The following SLMAP variants were observed in gnomAD, a reference collection of about 807,000 sequenced individuals.
SLMAP encodes the protein sarcolemmal membrane-associated protein.
A neutral mutation model predicts 128.8 loss-of-function variants in SLMAP; 44 were observed. That is an observed-to-expected ratio of 0.34 (90% CI 0.27 to 0.44). The LOEUF is 0.44. Ranked by LOEUF, SLMAP falls within the 20% of genes least tolerant of loss-of-function variation. The pLI is 1.00. For missense variants in SLMAP, 787 were observed against 985.3 expected, an observed-to-expected ratio of 0.80 and a Z score of 2.69; for synonymous variants, 327 against 348.8, an observed-to-expected ratio of 0.94 and a Z score of 0.70.
intron 24 of SLMAP, chr3:57,926,180 A>T (rs2097004841): frequency 1.9e-5 from 9 of 477,918 alleles, no homozygotes; most frequent in Middle Eastern, 5.3e-4. Flanking sequence ...AGTTGTTAAT[A>T]TGCTTCCATT....
chr3:57,864,517 G>A lies in SLMAP; in HGVS notation c.967-31G>A, dbSNP rs750603687. Reference sequence around the variant, plus strand: ...TCGCTCTTAAAACAGAGTTAGGTTTGTTAAATAACTGAATTTTCTTATTTT... The same window carrying A: ...TCGCTCTTAAAACAGAGTTAGGTTTATTAAATAACTGAATTTTCTTATTTT... On this transcript the variant is annotated intron_variant, in intron 10 of 24. Transcript: ENST00000671191. The A allele has an allele frequency of 2.7e-6, 4 of 1,504,236 alleles. No homozygotes were observed. In the South Asian group the frequency reaches 3.8e-5, roughly 14 times the overall value. The allele number at this position is 1,504,236 out of a possible 1,614,324, so 93.2% of individuals were successfully genotyped here. A position where few individuals can be genotyped will look rare whatever the true frequency, so the allele number is the denominator to read the frequency against.
chr3:57,832,373 T>C (rs1237519029), intron 3 of SLMAP, among the ~76,000 whole-genome samples: 1 of 152,176 alleles, frequency 6.6e-6, no homozygotes, highest in Non-Finnish European at 1.5e-5. Flanking sequence ...AAGTATAAAA[T>C]AAAATTTAAT....
intron 2 of SLMAP, among the ~76,000 whole-genome samples, chr3:57,758,748 A>C (rs2078061129): frequency 6.6e-6 from 1 of 152,226 alleles, no homozygotes; most frequent in African/African-American, 2.4e-5. Flanking sequence ...GAAGAAAGAA[A>C]TTAAGATCCT....
intron 13 of SLMAP, among the ~76,000 whole-genome samples, chr3:57,866,297 A>T (rs2095301412): frequency 6.6e-6 from 1 of 151,722 alleles, no homozygotes; most frequent in South Asian, 2.1e-4. Flanking sequence ...AGAAAAGAAA[A>T]GACAAAATAT....
At chr3:57,848,372 T>C (rs1469822355) in intron 5 of SLMAP, among the ~76,000 whole-genome samples, 1 of 151,402 alleles carries the variant, frequency 6.6e-6, no homozygotes, top group Non-Finnish European at 1.5e-5. Context: ...TCTTCCTCCT[T>C]CTGCCTTCTT....
In SLMAP at chr3:57,843,763, TTTC is replaced by T. The variant is rs1313836341; in HGVS notation, c.419+2395_419+2397del. ...CTTTCTCTCCCTTTCTCTCTCTTTC[TTTC>T]TTTTCTTTCTTTTTTTTTTTTTTTT... is the stretch of plus-strand genomic sequence containing the variant. On this transcript the variant is annotated intron_variant, in intron 4 of 24. Coordinates refer to ENST00000671191, the MANE Select transcript of SLMAP (RefSeq NM_001377540.1). Among the ~76,000 whole-genome samples the T allele has an allele frequency of 9.8e-4, 132 of 134,066 alleles. 1 individual carries two copies. The East Asian group carries it at 0.029, about 29-fold the overall frequency. The allele number at this position is 134,066 out of a possible 152,430, so 88.0% of individuals were successfully genotyped here.
At chr3:57,761,124 C>A (rs1223647879) in intron 2 of SLMAP, among the ~76,000 whole-genome samples, 1 of 151,882 alleles carries the variant, frequency 6.6e-6, no homozygotes, top group East Asian at 1.9e-4. Context: ...CACCCTGTCC[C>A]TGGCTCTTAC....
At chr3:57,897,762 CTT>C (rs1051431792) in intron 17 of SLMAP, 13 of 151,960 alleles carry the variant, frequency 8.6e-5, no homozygotes, top group Non-Finnish European at 1.5e-4. Context: ...GTAATTAACT[CTT>C]TGTCTCACCT....
chr3:57,857,441 G>C (rs1401597754), intron 6 of SLMAP, among the ~76,000 whole-genome samples: 1 of 152,016 alleles, frequency 6.6e-6, no homozygotes, highest in Non-Finnish European at 1.5e-5. Flanking sequence ...TAATAAAATA[G>C]AACAATTACA....
At chr3:57,812,739 T>C (rs1214284191) in intron 2 of SLMAP, among the ~76,000 whole-genome samples, 2 of 152,114 alleles carry the variant, frequency 1.3e-5, no homozygotes, top group Non-Finnish European at 2.9e-5. Flanking sequence ...TCAGTAATGT[T>C]TTATAGTTTT....
At chr3:57,766,971 T>C (rs2079866975) in intron 2 of SLMAP, among the ~76,000 whole-genome samples, 2 of 152,064 alleles carry the variant, frequency 1.3e-5, no homozygotes, top group South Asian at 4.2e-4. Context: ...CAGGCTAGAG[T>C]GTAGTGGTGT....
chr3:57,882,488 A>G (rs1199986558), intron 14 of SLMAP, among the ~76,000 whole-genome samples: 1 of 152,248 alleles, frequency 6.6e-6, no homozygotes, highest in African/African-American at 2.4e-5. Context: ...CTGAGATTGG[A>G]GTTTTAGAAG....
intron 2 of SLMAP, among the ~76,000 whole-genome samples, chr3:57,818,822 T>G (rs116185083): frequency 2.0e-5 from 3 of 152,240 alleles, no homozygotes; most frequent in Admixed American, 2.0e-4. Context: ...TAGGGACTTA[T>G]GTTTAAGTCA....
At chr3:57,861,313 A>C (rs1369700896) in intron 9 of SLMAP, among the ~76,000 whole-genome samples, 1 of 152,178 alleles carries the variant, frequency 6.6e-6, no homozygotes, top group East Asian at 1.9e-4. Flanking sequence ...GTCTTGGAGG[A>C]GCAATCAAAA....
At chr3:57,886,652 A>G (rs1171007315) in intron 14 of SLMAP, among the ~76,000 whole-genome samples, 22 of 151,402 alleles carry the variant, frequency 1.5e-4, no homozygotes, top group Non-Finnish European at 2.9e-5. Context: ...TATATTAATA[A>G]TGAATTCCAG....
chr3:57,812,790 T>C (rs868270979), intron 2 of SLMAP, among the ~76,000 whole-genome samples: 3 of 152,094 alleles, frequency 2.0e-5, no homozygotes, highest in Admixed American at 2.0e-4. Flanking sequence ...AGTTAATTCC[T>C]AAGTTAATTC....
chr3:57,812,365 A>G (rs1380763392), intron 2 of SLMAP, among the ~76,000 whole-genome samples: 1 of 152,174 alleles, frequency 6.6e-6, no homozygotes, highest in East Asian at 1.9e-4. Context: ...ACCCTTGGAC[A>G]TAATCTTTTG....
chr3:57,790,087 T>G (rs1374955524), intron 2 of SLMAP, among the ~76,000 whole-genome samples: 5 of 152,210 alleles, frequency 3.3e-5, no homozygotes, highest in Admixed American at 6.5e-5. Context: ...TCCACCTGCC[T>G]CAGCCTCCCA....
At position 57,838,186 on chromosome 3, in the gene SLMAP, TTAAAGTGTA is replaced by T. The variant is rs1425547790; in HGVS notation, c.347-3112_347-3104del. Among the ~76,000 whole-genome samples, 4 of 152,334 alleles carry T rather than the reference TTAAAGTGTA, an allele frequency of 2.6e-5. No homozygotes were observed. The East Asian group carries it at 7.7e-4, about 29-fold the overall frequency. ...TTTAAAAAAACAACTTTCTACCAAATTAAAGTGTAGGTATTGCTGGATCTTCATGTTGTA... is the reference window on the plus strand; with the variant it reads ...TTTAAAAAAACAACTTTCTACCAAATGGTATTGCTGGATCTTCATGTTGTA... On this transcript the variant is annotated intron_variant, in intron 3 of 24. Coordinates refer to ENST00000671191, the MANE Select transcript of SLMAP (RefSeq NM_001377540.1).
Sources: gnomAD v4.1 joint callset for allele counts (sites outside exome capture counted in the v4.1 genomes callset) on GRCh38, gnomAD v4.1.1 for gene constraint, MANE v1.5 for transcripts, NCBI Gene and HGNC (gene_info 2026-07-23, HGNC 2026-07-21) for gene names.